STK33: variants seen among roughly 807,000 people sequenced by gnomAD.
STK33 encodes the protein serine/threonine-protein kinase 33.
A neutral mutation model predicts 58.0 loss-of-function variants in STK33; 52 were observed. That is an observed-to-expected ratio of 0.90 (90% confidence interval 0.72 to 1.13). The LOEUF is 1.13. STK33 is among the 50% of genes most tolerant of loss of function. The probability of loss-of-function intolerance (pLI) is 0.00; values close to 1 mark genes in which losing one functional copy is unlikely to be tolerated. For missense variants in STK33, 630 were observed against 604.2 expected (o/e 1.04, Z -0.45); for synonymous variants, 215 against 200.1 (o/e 1.07, Z -0.63).
intron 8 of STK33, among the ~76,000 whole-genome samples, chr11:8,460,555 A>C (rs1947392872): frequency 6.6e-6 from 1 of 152,154 alleles, no homozygotes; most frequent in Non-Finnish European, 1.5e-5. Context: ...AACTGTGGAC[A>C]ATATCAAGCA....
chr11:8,436,069 G>A lies in STK33; in HGVS notation c.1018C>T (p.Leu340=). The A allele has an allele frequency of 6.3e-7, 1 of 1,593,632 alleles. No individual in the cohort carries two copies. The highest frequency in any genetic ancestry group is 8.5e-7 in the Non-Finnish European group (1 of 1,169,790). The change falls in exon 13 of 16, where the codon CTA becomes TTA. Residue 340 remains leucine (L), a synonymous_variant. Transcript: ENST00000687296. ...KLFELIRKGE[L]HFENAVWNSI... is the part of the protein sequence containing the mutation. ...TTCCAGACTGCATTTTCAAAATGTA[G>A]TTCTCCTTTTCTTATTAACTCAAAA... is the stretch of plus-strand genomic sequence containing the variant.
At chr11:8,455,786 G>C (rs993492060) in intron 9 of STK33, among the ~76,000 whole-genome samples, 2 of 141,826 alleles carry the variant, frequency 1.4e-5, no homozygotes, top group Admixed American at 7.4e-5. Context: ...ACTCCAGCCT[G>C]GGTAACAGAG....
At chr11:8,475,192 C>T (rs1949154317) in intron 4 of STK33, 126 bp from the exon 5 acceptor site, 1 of 276,604 alleles carries the variant, frequency 3.6e-6, no homozygotes. Context: ...CAAAATAGGA[C>T]CACAAAACTG....
At chr11:8,579,243 T>G (rs1289929041) in intron 1 of STK33, among the ~76,000 whole-genome samples, 1 of 152,018 alleles carries the variant, frequency 6.6e-6, no homozygotes, top group Non-Finnish European at 1.5e-5. Context: ...GGTATAGGTT[T>G]TTTATTAAAT....
chr11:8,409,196 G>GC (rs1939785987), intron 15 of STK33, among the ~76,000 whole-genome samples: 1 of 152,158 alleles, frequency 6.6e-6, no homozygotes, highest in Non-Finnish European at 1.5e-5. Context: ...TCTTGTAACA[G>GC]CAAGTATTTA....
rs1254979105 is a variant in STK33, at chr11:8,491,787, T to C, written c.-465-11173A>G. ...CAAGCCAGAAGAGAGTGAGAGCCAA[T>C]ATTCAACATTCTTAAAGAAAAGAAT... On this transcript the variant is annotated intron_variant, in intron 1 of 15. Coordinates refer to ENST00000687296, the MANE Select transcript of STK33 (RefSeq NM_001352389.2). Among the ~76,000 whole-genome samples, 4 of 152,178 alleles carry C rather than the reference T, an allele frequency of 2.6e-5. No homozygotes were observed. The South Asian group carries it at 6.2e-4, about 24-fold the overall frequency.
intron 1 of STK33, among the ~76,000 whole-genome samples, chr11:8,534,975 T>C (rs1408135396): frequency 6.6e-6 from 1 of 152,162 alleles, no homozygotes; most frequent in Non-Finnish European, 1.5e-5. Context: ...GATAACGTCC[T>C]CTAAGCACCT....
At chr11:8,424,602 C>T (rs1454021033) in intron 14 of STK33, among the ~76,000 whole-genome samples, 2 of 151,098 alleles carry the variant, frequency 1.3e-5, no homozygotes, top group East Asian at 3.9e-4. Context: ...TACAGTCCCA[C>T]CAACAGTGTA....
At chr11:8,342,020 T>A in the STK33 span, among the ~76,000 whole-genome samples, 2 of 152,170 alleles carry the variant, frequency 1.3e-5, no homozygotes, top group African/African-American at 4.8e-5. Flanking sequence ...TAAGACCTGA[T>A]GGCTCACAGA....
At chr11:8,568,290 T>G (rs1407023241) in intron 1 of STK33, among the ~76,000 whole-genome samples, 1 of 152,184 alleles carries the variant, frequency 6.6e-6, no homozygotes, top group African/African-American at 2.4e-5. Flanking sequence ...ATGAACTCAT[T>G]AAAATGGCAT....
intron 1 of STK33, among the ~76,000 whole-genome samples, chr11:8,485,436 C>G (rs1482125112): frequency 6.6e-6 from 1 of 152,138 alleles, no homozygotes; most frequent in African/African-American, 2.4e-5. Context: ...GTGACCAAGT[C>G]AAACTGAACC....
chr11:8,402,834 G>C (rs1938348143), intron 15 of STK33, among the ~76,000 whole-genome samples: 1 of 152,126 alleles, frequency 6.6e-6, no homozygotes, highest in Admixed American at 6.5e-5. Context: ...TAATTTTTCA[G>C]GGCTTTATTT....
At chr11:8,377,188 G>A in the STK33 span, among the ~76,000 whole-genome samples, 13 of 152,150 alleles carry the variant, frequency 8.5e-5, no homozygotes, top group Non-Finnish European at 1.2e-4. Context: ...CTCATTAATC[G>A]AGAGTGACCA....
At chr11:8,349,097 T>C in the STK33 span, among the ~76,000 whole-genome samples, 9,735 of 152,208 alleles carry the variant, frequency 0.064, 352 homozygotes, top group Non-Finnish European at 0.075. Flanking sequence ...CAGCTCCCTC[T>C]GTTCTCTGGC....
At chr11:8,487,889 G>T (rs897147837) in intron 1 of STK33, among the ~76,000 whole-genome samples, 3 of 152,194 alleles carry the variant, frequency 2.0e-5, no homozygotes, top group Non-Finnish European at 4.4e-5. Context: ...CAAAAAGCAT[G>T]CATGTGTGAA....
intron 1 of STK33, among the ~76,000 whole-genome samples, chr11:8,528,773 G>T (rs1051769379): frequency 6.6e-6 from 1 of 152,162 alleles, no homozygotes; most frequent in African/African-American, 2.4e-5. Context: ...GAATTCTGTG[G>T]TATGGCTGGA....
chr11:8,447,683 C>G (rs140764306), intron 11 of STK33, among the ~76,000 whole-genome samples: 25,453 of 152,166 alleles, frequency 0.17, 2,606 homozygotes, highest in South Asian at 0.31. Flanking sequence ...CAATATCATA[C>G]TTAATGGGCA....
intron 1 of STK33, among the ~76,000 whole-genome samples, chr11:8,534,465 G>C (rs1199093121): frequency 1.3e-5 from 2 of 150,928 alleles, no homozygotes; most frequent in African/African-American, 4.9e-5. Flanking sequence ...AGAATAGAAA[G>C]TATAAGAGTA....
intron 1 of STK33, among the ~76,000 whole-genome samples, chr11:8,554,196 GACT>G (rs1956564884): frequency 6.6e-6 from 1 of 152,006 alleles, no homozygotes; most frequent in Admixed American, 6.6e-5. Context: ...GAGGCAGGTG[GACT>G]ACGAGGTCAG....
Sources: gnomAD v4.1 joint callset for allele counts (sites outside exome capture counted in the v4.1 genomes callset) on GRCh38, gnomAD v4.1.1 for gene constraint, MANE v1.5 for transcripts, NCBI Gene and HGNC (gene_info 2026-07-23, HGNC 2026-07-21) for gene names.